Variants in POGK observed in about 807,000 individuals in gnomAD.
POGK encodes the protein pogo transposable element with KRAB domain.
Under a neutral mutation model 54.4 loss-of-function variants are expected in POGK, and 16 were observed. The observed-to-expected ratio is 0.29, with a 90% CI of 0.20 to 0.45. The LOEUF (loss-of-function observed/expected upper bound fraction) is 0.45, where lower values mean the gene tolerates loss of function less well. Among genes scored for constraint, POGK ranks in the 20% least tolerant of loss-of-function variants. POGK has a pLI of 1.00. For synonymous variants in POGK, 271 were observed against 302.2 expected (o/e 0.90, Z 1.07); for missense variants, 515 against 795.6 (o/e 0.65, Z 4.24).
rs922997932 is a variant in POGK at position 166,854,876 on chromosome 1, A to C, written c.*2306A>C. ...AGTAGTAGTTGATTCTCCAGGAATA[A>C]TCTGGCAGTGTTATTTTTCCTTTTC... On this transcript the variant is annotated 3_prime_UTR_variant, in exon 6 of 6. Transcript: ENST00000367876. 6.6e-5 allele frequency: 10 copies of C among 151,250 alleles called. No individual in the cohort carries two copies. The South Asian group carries it at 1.4e-3, about 22-fold the overall frequency. 9.4% of individuals were successfully genotyped at this position (151,250 alleles called of 1,614,324 possible). A position where few individuals can be genotyped will look rare whatever the true frequency, so the allele number is the denominator to read the frequency against.
At chr1:166,840,194 C>G (rs972929151) in intron 1 of POGK, 1 of 152,274 alleles carries the variant, frequency 6.6e-6, no homozygotes, top group Admixed American at 6.5e-5. Flanking sequence ...AGGAATTGCC[C>G]GCGCCCATAG....
At position 166,849,169 on chromosome 1, in the gene POGK, G is replaced by A; in HGVS notation, c.590G>A (p.Arg197His). ...AAGTTTCAGTTCAGCCGGGGCATGC[G>A]CCGCAGTTACGACGCAGGGTTCAAG... ...AGKFQFSRGM[R>H]RSYDAGFKLM... Residue 197 changes from arginine (R) to histidine (H), a missense_variant, in exon 5 of 6, where the codon CGC becomes CAC. Coordinates refer to ENST00000367876, the MANE Select transcript of POGK (RefSeq NM_017542.5). The A allele has an allele frequency of 2.5e-6, 4 of 1,614,224 alleles. No individual in the cohort carries two copies. Among genetic ancestry groups the A allele is most frequent in the Non-Finnish European group, 3.4e-6 (4 of 1,180,044 alleles).
rs1330875671 is a variant in POGK, at chr1:166,853,634, T to C, written c.*1064T>C. ...GTTTGAGTGTTACGAAAACATTCCT[T>C]TAAAGGGATCTGTGCTACACAAAAT... On this transcript the variant is annotated 3_prime_UTR_variant, in exon 6 of 6. Coordinates refer to ENST00000367876, the MANE Select transcript of POGK (RefSeq NM_017542.5). 1 of 152,650 alleles carries C rather than the reference T, an allele frequency of 6.6e-6. No individual in the cohort carries two copies. The highest frequency in any genetic ancestry group is 1.5e-5 in the Non-Finnish European group (1 of 68,034). The allele number at this position is 152,650 out of a possible 1,614,324, so 9.5% of individuals were successfully genotyped here. A position where few individuals can be genotyped will look rare whatever the true frequency, so the allele number is the denominator to read the frequency against.
chr1:166,849,158 C>A lies in POGK; in HGVS notation c.579C>A (p.Ser193Arg), dbSNP rs1369739513. Residue 193 changes from serine to arginine, a missense_variant, in exon 5 of 6, where the codon AGC (serine) becomes AGA (arginine). Transcript: ENST00000367876. The stretch of plus-strand genomic sequence containing the variant: ...ACATAGCTGGGAAGTTTCAGTTCAG[C>A]CGGGGCATGCGCCGCAGTTACGACG... ...ADDIAGKFQF[S>R]RGMRRSYDAG... 4 of 1,614,064 alleles carry A rather than the reference C, an allele frequency of 2.5e-6. No homozygotes were observed. The highest frequency in any genetic ancestry group is 3.4e-6 in the Non-Finnish European group (4 of 1,180,054).
chr1:166,849,047 G>C lies in POGK; in HGVS notation c.468G>C (p.Arg156=). ...ACAGCTTTGGCCTCCGTCTGCCTCG[G>C]GATATCACAGAGCTGCCCGAGTGGA... is the stretch of plus-strand genomic sequence containing the variant. The part of the protein sequence containing the change: ...HFDSFGLRLP[R]DITELPEWSE... The change falls in exon 5 of 6, where the codon CGG becomes CGC. Residue 156 remains arginine, a synonymous_variant. Coordinates refer to ENST00000367876, the MANE Select transcript of POGK (RefSeq NM_017542.5). The C allele has an allele frequency of 6.2e-7, 1 of 1,614,164 alleles. No homozygotes were observed. Among genetic ancestry groups the C allele is most frequent in the South Asian group, 1.1e-5 (1 of 91,080 alleles).
chr1:166,848,502 A>G lies in POGK; in HGVS notation c.359-436A>G, dbSNP rs149510809. 9.9e-3 allele frequency among the ~76,000 whole-genome samples: 1,509 copies of G among 152,378 alleles called. 13 individuals are homozygous for G. Among genetic ancestry groups the G allele is most frequent in the Middle Eastern group, 0.024 (7 of 294 alleles). ...TCTTGGTTCTAAAGGGATATGATTCAGGCCATGATGCATCTCTGTAATATT... is the reference window on the plus strand; with the variant it reads ...TCTTGGTTCTAAAGGGATATGATTCGGGCCATGATGCATCTCTGTAATATT... On this transcript the variant is annotated intron_variant, in intron 4 of 5. Coordinates refer to ENST00000367876, the MANE Select transcript of POGK (RefSeq NM_017542.5).
intron 1 of POGK, chr1:166,840,299 C>T (rs1657437482): frequency 6.6e-6 from 1 of 152,310 alleles, no homozygotes; most frequent in African/African-American, 2.4e-5. Context: ...CGGGGTGGGC[C>T]CCAGCCGATT....
intron 5 of POGK, chr1:166,851,551 G>C (rs1658067085): frequency 1.3e-5 from 2 of 152,216 alleles, no homozygotes; most frequent in Admixed American, 1.3e-4. Context: ...AAGAAGAACA[G>C]CTTTCAAAGG....
Position 166,847,527 on chromosome 1 carries a change from G to A in POGK, c.293G>A (p.Arg98His), listed in dbSNP as rs760449267. The change falls in exon 4 of 6, where the codon CGT (arginine) becomes CAT (histidine). Residue 98 changes from arginine to histidine, a missense_variant. Physicochemically the swap from Arg to His is conservative, Grantham distance 29 (BLOSUM62 0). Coordinates refer to ENST00000367876, the MANE Select transcript of POGK (RefSeq NM_017542.5). Reference protein sequence around the residue: ...FPFPKPDMITRLEGEEESQNS... With the variant: ...FPFPKPDMITHLEGEEESQNS... ...TTCCCTAAGCCAGACATGATCACCC[G>A]TTTGGAAGGGGAGGAGGAGTCTCAG... The A allele has an allele frequency of 9.9e-6, 16 of 1,613,790 alleles. No individual in the cohort carries two copies. The highest frequency in any genetic ancestry group is 6.7e-5 in the African/African-American group (5 of 74,908).
chr1:166,846,420 A>C (rs557559264), intron 2 of POGK, among the ~76,000 whole-genome samples, 192 bp from the exon 3 acceptor site: 2 of 152,236 alleles, frequency 1.3e-5, no homozygotes, highest in South Asian at 4.1e-4. Context: ...GCACAGAAGG[A>C]CTGTGCTCTT....
chr1:166,848,681 C>T (rs1313828146), intron 4 of POGK, among the ~76,000 whole-genome samples: 4 of 152,196 alleles, frequency 2.6e-5, no homozygotes, highest in Non-Finnish European at 4.4e-5. Flanking sequence ...CATTATGTAA[C>T]CTCTGTAGCC....
In POGK at chr1:166,854,951, C is replaced by T. The variant is rs1278589187; in HGVS notation, c.*2381C>T. The T allele has an allele frequency of 6.6e-6, 1 of 150,744 alleles. No homozygotes were observed. The highest frequency in any genetic ancestry group is 1.9e-4 in the East Asian group (1 of 5,200). 9.3% of individuals were successfully genotyped at this position (150,744 alleles called of 1,614,324 possible). ...CCACTCTCCAAGTCTGACCCCTAGA[C>T]TAAGCTTCCTTACTCTTACTCTTCC... is the stretch of plus-strand genomic sequence containing the variant. On this transcript the variant is annotated 3_prime_UTR_variant, in exon 6 of 6. Coordinates refer to ENST00000367876, the MANE Select transcript of POGK (RefSeq NM_017542.5).
chr1:166,842,843 C>CCACA (rs144652304), intron 2 of POGK, among the ~76,000 whole-genome samples: 3 of 150,864 alleles, frequency 2.0e-5, no homozygotes, highest in Non-Finnish European at 4.4e-5. Flanking sequence ...CCCCCCACCA[C>CCACA]CACACACACA....
intron 1 of POGK, chr1:166,840,110 T>C (rs1657426825): frequency 6.6e-6 from 1 of 152,264 alleles, no homozygotes; most frequent in African/African-American, 2.4e-5. Context: ...AGGAACCGAC[T>C]TTGAACTCCA....
At chr1:166,850,963 C>T (rs987687021) in intron 5 of POGK, 1 of 152,302 alleles carries the variant, frequency 6.6e-6, no homozygotes, top group African/African-American at 2.4e-5. Flanking sequence ...CTATTTTGCT[C>T]TGTGGCTTGG....
At chr1:166,845,529 G>A (rs1657810737) in intron 2 of POGK, among the ~76,000 whole-genome samples, 1 of 152,148 alleles carries the variant, frequency 6.6e-6, no homozygotes. Context: ...GCCAATGTAT[G>A]TAAGTGACTG....
chr1:166,843,937 A>C (rs1657720110), intron 2 of POGK, among the ~76,000 whole-genome samples: 1 of 152,160 alleles, frequency 6.6e-6, no homozygotes, highest in Non-Finnish European at 1.5e-5. Context: ...CTGACTTCTC[A>C]GTTTTGCCCG....
At position 166,841,139 on chromosome 1, in the gene POGK, G is replaced by A. The variant is rs370988948; in HGVS notation, c.132+51G>A. Reference sequence around the variant, plus strand: ...ACAGCCAGCAGATGCAGGCCTGAGAGCCCAGCTTGCTTTAAGTCTCCTCCT... The same window carrying A: ...ACAGCCAGCAGATGCAGGCCTGAGAACCCAGCTTGCTTTAAGTCTCCTCCT... On this transcript the variant is annotated intron_variant, in intron 2 of 5. Coordinates refer to ENST00000367876, the MANE Select transcript of POGK (RefSeq NM_017542.5). 13 of 1,599,160 alleles carry A rather than the reference G, an allele frequency of 8.1e-6. No homozygotes were observed. In the African/African-American group the frequency reaches 9.4e-5, roughly 12 times the overall value.
chr1:166,853,761 C>T lies in POGK; in HGVS notation c.*1191C>T, dbSNP rs1466189626. On this transcript the variant is annotated 3_prime_UTR_variant, in exon 6 of 6. Transcript: ENST00000367876. The stretch of plus-strand genomic sequence containing the variant: ...CCACTTTTCCTTCTTGTAGACTCAG[C>T]TCACCTGTATATTTAAACTGTTCTT... 1 of 152,626 alleles carries T rather than the reference C, an allele frequency of 6.6e-6. No individual in the cohort carries two copies. Among genetic ancestry groups the T allele is most frequent in the South Asian group, 2.1e-4 (1 of 4,834 alleles). 9.5% of individuals were successfully genotyped at this position (152,626 alleles called of 1,614,324 possible).
Sources: allele counts gnomAD v4.1 joint callset (sites outside exome capture counted in the v4.1 genomes callset), GRCh38; gene constraint gnomAD v4.1.1; transcripts MANE v1.5; gene names NCBI Gene and HGNC (gene_info 2026-07-23, HGNC 2026-07-21).